INPP5D: variants seen among roughly 807,000 people sequenced by gnomAD.
INPP5D encodes the protein inositol polyphosphate-5-phosphatase D, also known as phosphatidylinositol 3,4,5-trisphosphate 5-phosphatase 1.
A neutral mutation model predicts 122.9 loss-of-function variants in INPP5D; 33 were observed. That is an observed-to-expected ratio of 0.27 (90% CI 0.20 to 0.36). The LOEUF is 0.36. INPP5D is among the 10% of genes least tolerant of loss of function. The probability of loss-of-function intolerance (pLI) is 1.00; values close to 1 mark genes in which losing one functional copy is unlikely to be tolerated. For missense variants in INPP5D, 1,053 were observed against 1,412.7 expected, an observed-to-expected ratio of 0.75 and a Z score of 4.08; for synonymous variants, 584 against 576.2, an observed-to-expected ratio of 1.01 and a Z score of -0.19.
intron 3 of INPP5D, among the ~76,000 whole-genome samples, chr2:233,125,535 T>A (rs936213030): frequency 6.6e-6 from 1 of 152,036 alleles, no homozygotes; most frequent in African/African-American, 2.4e-5. Flanking sequence ...CTGGCAGGTG[T>A]TTGCTGATGG....
chr2:233,081,026 TC>T (rs1198932642), intron 2 of INPP5D, among the ~76,000 whole-genome samples: 1 of 152,172 alleles, frequency 6.6e-6, no homozygotes, highest in East Asian at 1.9e-4. Context: ...TGCCCCTGAG[TC>T]CACTGCAGCC....
chr2:233,148,947 T>G (rs1244599500), intron 9 of INPP5D, among the ~76,000 whole-genome samples: 1 of 152,156 alleles, frequency 6.6e-6, no homozygotes, highest in East Asian at 1.9e-4. Context: ...CCAGTAAAAT[T>G]TGAATTTCAG....
chr2:233,147,721 T>C (rs1297766199), intron 9 of INPP5D, 127 bp downstream of exon 9: 4 of 622,062 alleles, frequency 6.4e-6, no homozygotes, highest in Non-Finnish European at 1.2e-5. Flanking sequence ...CCTGCGCTCA[T>C]GCTTTTGTGT....
rs544618173 is a variant in INPP5D at position 233,165,470 on chromosome 2, ATG to A, written c.1555+1050_1555+1051del. Among the ~76,000 whole-genome samples the A allele has an allele frequency of 3.4e-4, 49 of 145,424 alleles. 1 individual carries two copies. The highest frequency in any genetic ancestry group is 1.2e-3 in the African/African-American group (45 of 38,650). On this transcript the variant is annotated intron_variant, in intron 13 of 26. Coordinates refer to ENST00000445964, the MANE Select transcript of INPP5D (RefSeq NM_001017915.3). ...TCTATGAGTGTGTGTGTGTCCATGCATGTGTTTGTGAGTGTATTTATGTGAGT... is the reference window on the plus strand; with the variant it reads ...TCTATGAGTGTGTGTGTGTCCATGCATGTTTGTGAGTGTATTTATGTGAGT...
chr2:233,164,520 A>C lies in INPP5D; in HGVS notation c.1555+96A>C. ...TCCCACCAGTAGTTCCCCGGGTTAA[A>C]AACAGAGAGCCTCACATCCTCAGAT... On this transcript the variant is annotated intron_variant, in intron 13 of 26. Transcript: ENST00000445964. This position sits in a 1 kb window ranked among gnomAD's most constrained non-coding sequence, Gnocchi z 4.3. 7.1e-7 allele frequency: 1 copy of C among 1,401,860 alleles called. No individual in the cohort carries two copies. The highest frequency in any genetic ancestry group is 9.4e-7 in the Non-Finnish European group (1 of 1,063,932). The allele number at this position is 1,401,860 out of a possible 1,614,324, so 86.8% of individuals were successfully genotyped here. A position where few individuals can be genotyped will look rare whatever the true frequency, so the allele number is the denominator to read the frequency against.
At chr2:233,173,493 G>A (rs112179896) in intron 17 of INPP5D, among the ~76,000 whole-genome samples, 2 of 151,334 alleles carry the variant, frequency 1.3e-5, no homozygotes, top group Admixed American at 6.6e-5. Flanking sequence ...AATTTTTGAC[G>A]CTTTTGTAAT....
chr2:233,122,205 C>T lies in INPP5D; in HGVS notation c.297C>T (p.Tyr99=), dbSNP rs1396802312. 3.7e-6 allele frequency: 6 copies of T among 1,613,894 alleles called. No individual in the cohort carries two copies. The South Asian group carries it at 6.6e-5, about 18-fold the overall frequency. ...TGGGGCTGGTGACCCATCTGCAATA[C>T]CCTGTGCCGCTGGAGGAAGAGGACA... The part of the protein sequence containing the change: ...ENMGLVTHLQ[Y]PVPLEEEDTG... The change falls in exon 3 of 27, where the codon TAC becomes TAT. Residue 99 remains tyrosine, a synonymous_variant. Coordinates refer to ENST00000445964, the MANE Select transcript of INPP5D (RefSeq NM_001017915.3).
intron 9 of INPP5D, 87 bp from the exon 10 acceptor site, chr2:233,158,226 A>T (rs967102862): frequency 3.2e-6 from 2 of 620,800 alleles, no homozygotes; most frequent in African/African-American, 3.7e-5. Flanking sequence ...ACGGGAGTTG[A>T]TAGTCAGGTG....
At chr2:233,182,534 C>G (rs779485145) in intron 19 of INPP5D, 35 bp downstream of exon 19, 2 of 1,609,454 alleles carry the variant, frequency 1.2e-6, no homozygotes, top group South Asian at 1.1e-5. Context: ...CTCTGTTTTC[C>G]TCAATGACAA....
chr2:233,166,392 G>A (rs886280368), intron 13 of INPP5D, among the ~76,000 whole-genome samples: 11 of 152,320 alleles, frequency 7.2e-5, no homozygotes, highest in South Asian at 2.1e-4. Flanking sequence ...ATGAGCAGAC[G>A]GGAGGAAAAG....
intron 2 of INPP5D, 88 bp downstream of exon 2, chr2:233,079,486 C>T (rs972674879): frequency 5.1e-5 from 45 of 873,922 alleles, no homozygotes; most frequent in Admixed American, 9.3e-5. Flanking sequence ...AGGAAGTGCA[C>T]GCGCAGGTAG....
chr2:233,127,640 C>T (rs544570509), intron 4 of INPP5D, among the ~76,000 whole-genome samples: 1 of 152,326 alleles, frequency 6.6e-6, no homozygotes, highest in East Asian at 1.9e-4. Flanking sequence ...CGGAGTTTTG[C>T]TCTTGTTGCC....
At chr2:233,165,246 AGT>A (rs748716516) in intron 13 of INPP5D, among the ~76,000 whole-genome samples, 8 of 151,988 alleles carry the variant, frequency 5.3e-5, no homozygotes, top group Non-Finnish European at 1.0e-4. Flanking sequence ...CATATCTATG[AGT>A]GTGTGTCTAT....
chr2:233,079,523 G>C, intron 2 of INPP5D, 125 bp downstream of exon 2: 1 of 695,454 alleles, frequency 1.4e-6, no homozygotes, highest in Non-Finnish European at 2.6e-6. Context: ...GGCTGAGCCT[G>C]GCTTCCTCCC....
chr2:233,066,789 T>C (rs1285905433), intron 1 of INPP5D, among the ~76,000 whole-genome samples: 1 of 151,378 alleles, frequency 6.6e-6, no homozygotes, highest in East Asian at 1.9e-4. Flanking sequence ...TTTTTTCTTT[T>C]TGAGACAGAG....
At chr2:233,190,885 T>G (rs769973556) in intron 22 of INPP5D, among the ~76,000 whole-genome samples, 2 of 152,144 alleles carry the variant, frequency 1.3e-5, no homozygotes, top group Admixed American at 6.5e-5. Flanking sequence ...AGCAAGGAAG[T>G]AACAGGATCA....
At chr2:233,123,241 G>T (rs756162667) in intron 3 of INPP5D, among the ~76,000 whole-genome samples, 1 of 152,172 alleles carries the variant, frequency 6.6e-6, no homozygotes, top group Non-Finnish European at 1.5e-5. Flanking sequence ...AGATCACGAG[G>T]TCAGGAGATC....
intron 2 of INPP5D, among the ~76,000 whole-genome samples, chr2:233,109,560 G>GA (rs151047448): frequency 0.064 from 9,671 of 152,094 alleles, 573 homozygotes; most frequent in African/African-American, 0.15. Context: ...TAGGCAAGAT[G>GA]GTTTTTTTCT....
chr2:233,145,057 TG>T (rs1693723115), intron 6 of INPP5D, among the ~76,000 whole-genome samples: 1 of 152,130 alleles, frequency 6.6e-6, no homozygotes, highest in African/African-American at 2.4e-5. Flanking sequence ...GCCATACATG[TG>T]TCTGATTTTC....
Sources: gnomAD v4.1 joint callset for allele counts (sites outside exome capture counted in the v4.1 genomes callset) on GRCh38, gnomAD v4.1.1 for gene constraint, Gnocchi (gnomAD v3.1) non-coding constraint, MANE v1.5 for transcripts, NCBI Gene and HGNC (gene_info 2026-07-23, HGNC 2026-07-21) for gene names.